CTNND2: variants seen among roughly 807,000 people sequenced by gnomAD.
CTNND2 encodes catenin delta-2.
In CTNND2, 22 loss-of-function variants were observed where a neutral mutation model predicts 144.4. That is an observed-to-expected ratio of 0.15 (90% confidence interval 0.11 to 0.22). The LOEUF (loss-of-function observed/expected upper bound fraction) is 0.22, where lower values mean the gene tolerates loss of function less well. Ranked by LOEUF, CTNND2 falls within the 10% of genes least tolerant of loss-of-function variation. CTNND2 has a pLI of 1.00. For missense variants in CTNND2, 1,353 were observed against 1,618.8 expected (o/e 0.84, Z 2.82); for synonymous variants, 751 against 695.6 (o/e 1.08, Z -1.25).
At chr5:11,088,630 G>T (rs868268760) in intron 15 of CTNND2, among the ~76,000 whole-genome samples, 13 of 152,234 alleles carry the variant, frequency 8.5e-5, no homozygotes, top group African/African-American at 2.6e-4. Flanking sequence ...TTTGGATATG[G>T]GGAGGGAGAA....
chr5:11,592,066 G>T (rs763612933), intron 2 of CTNND2, among the ~76,000 whole-genome samples: 2 of 147,702 alleles, frequency 1.4e-5, no homozygotes, highest in African/African-American at 2.5e-5. Context: ...CATGTCTTCA[G>T]AACTCAGTGT....
rs55674459 is a variant in CTNND2, at chr5:11,318,470, C to T, written c.1628+27902G>A. On this transcript the variant is annotated intron_variant, in intron 9 of 21. Transcript: ENST00000304623. ...CCTCTCCAGTCCATGCCCCCTCCCA[C>T]GTACAGGATGGGCACCCCAATCCTA... is the stretch of plus-strand genomic sequence containing the variant. Among the ~76,000 whole-genome samples the T allele has an allele frequency of 2.6e-3, 389 of 152,296 alleles. 1 individual carries two copies. The highest frequency in any genetic ancestry group is 4.6e-3 in the Non-Finnish European group (314 of 68,024).
intron 7 of CTNND2, among the ~76,000 whole-genome samples, chr5:11,371,823 T>C (rs1757501333): frequency 6.6e-6 from 1 of 152,212 alleles, no homozygotes; most frequent in Non-Finnish European, 1.5e-5. Context: ...GACTTACGTT[T>C]GGAAGGAACA....
chr5:11,040,085 A>C (rs75269673), intron 16 of CTNND2, among the ~76,000 whole-genome samples: 2 of 151,856 alleles, frequency 1.3e-5, no homozygotes, highest in South Asian at 2.1e-4. Context: ...AACAAAAAAA[A>C]CTCCGAAAAA....
At chr5:11,477,575 C>A (rs576858490) in intron 3 of CTNND2, among the ~76,000 whole-genome samples, 1 of 152,104 alleles carries the variant, frequency 6.6e-6, no homozygotes, top group East Asian at 1.9e-4. Flanking sequence ...CAACACCTGG[C>A]TAATTTTTAA....
At chr5:11,720,809 C>A (rs116525623) in intron 2 of CTNND2, among the ~76,000 whole-genome samples, 2,142 of 152,230 alleles carry the variant, frequency 0.014, 27 homozygotes, top group African/African-American at 0.022. Context: ...TACCTCAGCT[C>A]ACTATTCTGC....
intron 12 of CTNND2, among the ~76,000 whole-genome samples, chr5:11,154,164 T>A (rs1758004192): frequency 6.6e-6 from 1 of 152,194 alleles, no homozygotes; most frequent in South Asian, 2.1e-4. Context: ...TGGTGTCACA[T>A]CCCCTGCGTA....
At chr5:11,451,895 A>T (rs59556745) in intron 3 of CTNND2, among the ~76,000 whole-genome samples, 6 of 152,204 alleles carry the variant, frequency 3.9e-5, no homozygotes, top group Non-Finnish European at 8.8e-5. Context: ...TCTACTTAGC[A>T]TCATCCTTTA....
At chr5:11,165,693 G>A (rs1420125500) in intron 11 of CTNND2, among the ~76,000 whole-genome samples, 2 of 152,074 alleles carry the variant, frequency 1.3e-5, no homozygotes, top group South Asian at 4.1e-4. Flanking sequence ...TAAAAATATA[G>A]TTTATTTTTA....
chr5:11,854,146 G>A (rs1271015182), intron 1 of CTNND2, among the ~76,000 whole-genome samples: 1 of 152,150 alleles, frequency 6.6e-6, no homozygotes, highest in African/African-American at 2.4e-5. Flanking sequence ...TGCCACGGGT[G>A]GCCCGTTGTG....
chr5:11,171,191 T>A (rs561051378), intron 11 of CTNND2, among the ~76,000 whole-genome samples: 1 of 152,184 alleles, frequency 6.6e-6, no homozygotes, highest in Non-Finnish European at 1.5e-5. Flanking sequence ...CATGCACTAT[T>A]TAATTAAATC....
At chr5:11,107,748 A>G (rs1301494687) in intron 14 of CTNND2, among the ~76,000 whole-genome samples, 1 of 152,250 alleles carries the variant, frequency 6.6e-6, no homozygotes, top group Non-Finnish European at 1.5e-5. Flanking sequence ...CAGCACTGTC[A>G]TGAGAGGCTG....
At chr5:11,061,397 T>C (rs1352277878) in intron 16 of CTNND2, among the ~76,000 whole-genome samples, 1 of 152,208 alleles carries the variant, frequency 6.6e-6, no homozygotes, top group Non-Finnish European at 1.5e-5. Flanking sequence ...TCCAACTTCC[T>C]TATCCAGGCT....
intron 2 of CTNND2, among the ~76,000 whole-genome samples, chr5:11,578,389 G>C (rs188251329): frequency 3.9e-5 from 6 of 152,022 alleles, no homozygotes; most frequent in African/African-American, 9.7e-5. Flanking sequence ...TGGGCCAGGC[G>C]CAGTGGCTCA....
intron 9 of CTNND2, among the ~76,000 whole-genome samples, chr5:11,274,255 T>C (rs962880337): frequency 3.9e-5 from 6 of 152,218 alleles, no homozygotes; most frequent in African/African-American, 1.4e-4. Flanking sequence ...TTTCATGACA[T>C]GTGTTCATCA....
chr5:11,605,823 A>C (rs1423820219), intron 2 of CTNND2, among the ~76,000 whole-genome samples: 2 of 152,238 alleles, frequency 1.3e-5, no homozygotes, highest in African/African-American at 4.8e-5. Flanking sequence ...TGAGAGGAAG[A>C]ATTCTAAAGA....
chr5:11,405,774 G>C (rs1007414777), intron 5 of CTNND2, among the ~76,000 whole-genome samples: 1 of 148,358 alleles, frequency 6.7e-6, no homozygotes, highest in Admixed American at 6.8e-5. Context: ...ACCCGAGGTA[G>C]GGGGGGAAGT....
intron 14 of CTNND2, among the ~76,000 whole-genome samples, chr5:11,110,133 G>C (rs931840268): frequency 6.6e-6 from 1 of 152,120 alleles, no homozygotes; most frequent in Non-Finnish European, 1.5e-5. Context: ...GAGGGGTTTG[G>C]TCTCTCATGG....
intron 3 of CTNND2, among the ~76,000 whole-genome samples, chr5:11,415,788 T>C (rs1265211351): frequency 6.6e-6 from 1 of 152,078 alleles, no homozygotes; most frequent in Non-Finnish European, 1.5e-5. Context: ...CTTAGCTCCC[T>C]TGCACATAGA....
Sources: allele counts gnomAD v4.1 joint callset (sites outside exome capture counted in the v4.1 genomes callset), GRCh38; gene constraint gnomAD v4.1.1; transcripts MANE v1.5; gene names NCBI Gene and HGNC (gene_info 2026-07-23, HGNC 2026-07-21).